DUSP16: variants seen among roughly 807,000 people sequenced by gnomAD.
The protein encoded by DUSP16 is dual specificity phosphatase 16.
DUSP16 carries 21 observed loss-of-function variants against 58.3 expected under a neutral mutation model. The ratio of observed to expected loss-of-function variants is 0.36; its 90% confidence interval spans 0.26 to 0.52. DUSP16 has a LOEUF of 0.52. DUSP16 is among the 20% of genes least tolerant of loss of function. DUSP16 has a pLI of 0.94. For synonymous variants in DUSP16, 320 were observed against 323.8 expected (o/e 0.99, Z 0.12); for missense variants, 726 against 819.0 (o/e 0.89, Z 1.39).
At chr12:12,509,930 C>A (rs1387591469) in intron 3 of DUSP16, among the ~76,000 whole-genome samples, 1 of 151,784 alleles carries the variant, frequency 6.6e-6, no homozygotes, top group South Asian at 2.1e-4. Context: ...TGAGGAGGCA[C>A]AGGGCAAGAA....
chr12:12,490,750 T>C (rs891010873), intron 4 of DUSP16, among the ~76,000 whole-genome samples: 1 of 152,196 alleles, frequency 6.6e-6, no homozygotes, highest in African/African-American at 2.4e-5. Context: ...CAAAGCCTTC[T>C]AGATTAAAAC....
chr12:12,561,181 C>T (rs552604180), intron 1 of DUSP16: 18 of 152,204 alleles, frequency 1.2e-4, no homozygotes, highest in African/African-American at 3.6e-4. Context: ...CACAGCAAAC[C>T]CCACGGCAAA....
At chr12:12,483,712 G>C (rs529649593) in intron 5 of DUSP16, among the ~76,000 whole-genome samples, 6 of 152,164 alleles carry the variant, frequency 3.9e-5, no homozygotes, top group Admixed American at 3.3e-4. Context: ...GCTGGGTTTG[G>C]GGGCACCTCA....
At chr12:12,536,486 T>C (rs1008284288) in intron 1 of DUSP16, among the ~76,000 whole-genome samples, 3 of 152,212 alleles carry the variant, frequency 2.0e-5, no homozygotes, top group Non-Finnish European at 4.4e-5. Context: ...GGCTCATGCA[T>C]GTAATCCCAG....
intron 6 of DUSP16, among the ~76,000 whole-genome samples, chr12:12,479,390 G>A (rs948019521): frequency 2.0e-5 from 3 of 152,164 alleles, no homozygotes; most frequent in African/African-American, 4.8e-5. Context: ...ACTTCATAAC[G>A]TGATAGAAGG....
intron 1 of DUSP16, among the ~76,000 whole-genome samples, chr12:12,539,530 T>C (rs1327663854): frequency 6.6e-6 from 1 of 152,162 alleles, no homozygotes; most frequent in Non-Finnish European, 1.5e-5. Context: ...CACCGGCTTA[T>C]GAATGCACGT....
chr12:12,490,579 T>C (rs1943748500), intron 4 of DUSP16, among the ~76,000 whole-genome samples: 3 of 152,156 alleles, frequency 2.0e-5, no homozygotes, highest in African/African-American at 7.2e-5. Context: ...TTAAAACAAA[T>C]AAACATGCAT....
At chr12:12,515,935 C>T (rs1445939910) in intron 3 of DUSP16, among the ~76,000 whole-genome samples, 1 of 151,672 alleles carries the variant, frequency 6.6e-6, no homozygotes, top group African/African-American at 2.4e-5. Flanking sequence ...GCCACCATGC[C>T]CGGCTAATTT....
chr12:12,511,716 C>A (rs117957370), intron 3 of DUSP16, among the ~76,000 whole-genome samples: 2,122 of 152,210 alleles, frequency 0.014, 27 homozygotes, highest in Non-Finnish European at 0.017. Flanking sequence ...CCCAAATTAA[C>A]CACTACATTC....
chr12:12,537,572 G>A (rs1272948490), intron 1 of DUSP16, among the ~76,000 whole-genome samples: 1 of 152,198 alleles, frequency 6.6e-6, no homozygotes, highest in African/African-American at 2.4e-5. Context: ...TGTCTATTAA[G>A]AAACTCAATG....
chr12:12,482,749 T>C (rs1047804189), intron 5 of DUSP16, among the ~76,000 whole-genome samples: 3 of 152,346 alleles, frequency 2.0e-5, no homozygotes, highest in South Asian at 4.1e-4. Context: ...GGTCTCACTC[T>C]GTTCATCCAG....
In DUSP16 at chr12:12,477,454, A is replaced by G. The variant is rs1165926396; in HGVS notation, c.1377T>C (p.Ser459=). 6.2e-7 allele frequency: 1 copy of G among 1,602,082 alleles called. No individual in the cohort carries two copies. The highest frequency in any genetic ancestry group is 1.3e-5 in the African/African-American group (1 of 74,524). The change falls in exon 7 of 7, where the codon AGT becomes AGC. Residue 459 remains serine (S), a synonymous_variant. Transcript: ENST00000298573. This position sits in a 1 kb window ranked among gnomAD's most constrained non-coding sequence, Gnocchi z 4.1. The part of the protein sequence containing the change: ...QELSEQTPET[S]PDKEEASIPK... Reference sequence around the variant, plus strand: ...GGATGCTGGCTTCCTCCTTATCAGGACTGGTTTCGGGAGTCTGCTCCGATA... The same window carrying G: ...GGATGCTGGCTTCCTCCTTATCAGGGCTGGTTTCGGGAGTCTGCTCCGATA...
At chr12:12,544,528 T>C (rs56279058) in intron 1 of DUSP16, among the ~76,000 whole-genome samples, 22,862 of 152,178 alleles carry the variant, frequency 0.15, 1,836 homozygotes, top group Middle Eastern at 0.19. Flanking sequence ...TTTAGTATAA[T>C]AGATACAACC....
At chr12:12,507,051 G>C (rs1251297920) in intron 3 of DUSP16, among the ~76,000 whole-genome samples, 2 of 152,098 alleles carry the variant, frequency 1.3e-5, no homozygotes, top group Non-Finnish European at 2.9e-5. Context: ...TTTTGGGGGG[G>C]AAAAATCTGC....
rs1944202630 is a variant in DUSP16, at chr12:12,519,779, T to C, written c.367+83A>G. The stretch of plus-strand genomic sequence containing the variant: ...TACACAGCAAAGTTGGGATGATCTA[T>C]TGTACTGAGTTCACAGTGAAATATG... On this transcript the variant is annotated intron_variant, in intron 3 of 6. Transcript: ENST00000298573. 2.1e-6 allele frequency: 3 copies of C among 1,413,606 alleles called. No homozygotes were observed. The Admixed American group carries it at 5.6e-5, about 26-fold the overall frequency. 87.6% of individuals were successfully genotyped at this position (1,413,606 alleles called of 1,614,324 possible). A position where few individuals can be genotyped will look rare whatever the true frequency, so the allele number is the denominator to read the frequency against.
rs538554046 is a variant in DUSP16, at chr12:12,547,189, G to A, written c.-366+14928C>T. Among the ~76,000 whole-genome samples the A allele has an allele frequency of 6.6e-5, 10 of 152,236 alleles. No homozygotes were observed. The East Asian group carries it at 1.9e-3, about 29-fold the overall frequency. The stretch of plus-strand genomic sequence containing the variant: ...CATGCCTGTAATCCCAGCACCTTAG[G>A]AGGCCGAGGCAGGTGGATCACCTGA... On this transcript the variant is annotated intron_variant, in intron 1 of 6. Transcript: ENST00000298573.
chr12:12,528,964 T>C (rs534630287), intron 1 of DUSP16, among the ~76,000 whole-genome samples: 15 of 152,116 alleles, frequency 9.9e-5, no homozygotes, highest in Non-Finnish European at 2.1e-4. Context: ...ACCTGGAAGA[T>C]TGTAGCTTTC....
intron 1 of DUSP16, among the ~76,000 whole-genome samples, chr12:12,526,290 T>C (rs1181250569): frequency 9.1e-6 from 1 of 110,138 alleles, no homozygotes; most frequent in African/African-American, 3.6e-5. Context: ...CCCTTTAATA[T>C]ACAATTTTGT....
intron 4 of DUSP16, among the ~76,000 whole-genome samples, chr12:12,490,234 C>T (rs994913294): frequency 3.9e-5 from 6 of 152,050 alleles, no homozygotes; most frequent in Non-Finnish European, 7.4e-5. Context: ...ATATTTTAAA[C>T]GCAAAATGGA....
Sources: gnomAD v4.1 joint callset for allele counts (sites outside exome capture counted in the v4.1 genomes callset) on GRCh38, gnomAD v4.1.1 for gene constraint, Gnocchi (gnomAD v3.1) non-coding constraint, MANE v1.5 for transcripts, NCBI Gene and HGNC (gene_info 2026-07-23, HGNC 2026-07-21) for gene names.